Variants in RAD52 observed in about 807,000 individuals in gnomAD.
The protein encoded by RAD52 is RAD52 DNA repair protein.
RAD52 carries 47 observed loss-of-function variants against 55.5 expected under a neutral mutation model. That is an observed-to-expected ratio of 0.85 (90% CI 0.67 to 1.08). RAD52 has a LOEUF of 1.08. Among genes scored for constraint, RAD52 ranks in the 50% least tolerant of loss-of-function variants. The probability of loss-of-function intolerance (pLI) is 0.00; values close to 1 mark genes in which losing one functional copy is unlikely to be tolerated. For synonymous variants in RAD52, 184 were observed against 198.9 expected (o/e 0.92, Z 0.63); for missense variants, 468 against 522.8 (o/e 0.90, Z 1.02).
At chr12:920,001 G>A (rs1231112401) in intron 7 of RAD52, among the ~76,000 whole-genome samples, 1 of 108,062 alleles carries the variant, frequency 9.3e-6, no homozygotes, top group East Asian at 2.4e-4. Context: ...GCAGTGAGCC[G>A]AGATCACACA....
chr12:941,228 A>G (rs1469365632), intron 1 of RAD52, among the ~76,000 whole-genome samples: 6 of 152,230 alleles, frequency 3.9e-5, no homozygotes, highest in Non-Finnish European at 7.3e-5. Context: ...TGATGGCTCC[A>G]TTTTACAATA....
intron 1 of RAD52, among the ~76,000 whole-genome samples, chr12:964,333 C>T (rs1172218497): frequency 2.0e-5 from 3 of 152,026 alleles, no homozygotes; most frequent in South Asian, 2.1e-4. Context: ...TTTGGGAGGC[C>T]GAGTCAGGCA....
chr12:964,827 T>C (rs920737221), intron 1 of RAD52, among the ~76,000 whole-genome samples: 18 of 152,064 alleles, frequency 1.2e-4, no homozygotes, highest in African/African-American at 4.4e-4. Context: ...TCCTCCTGCC[T>C]GGGACTCCCA....
chr12:928,820 T>G (rs1278461982), intron 5 of RAD52, among the ~76,000 whole-genome samples: 1 of 152,144 alleles, frequency 6.6e-6, no homozygotes, highest in African/African-American at 2.4e-5. Flanking sequence ...TTAAGTGCAC[T>G]GAAAATTTAC....
In RAD52 at chr12:931,289, G is replaced by A. The variant is rs140136060; in HGVS notation, c.117C>T (p.Ile39=). Residue 39 remains isoleucine, a synonymous_variant, in exon 3 of 12, where the codon ATC becomes ATT. Coordinates refer to ENST00000358495, the MANE Select transcript of RAD52 (RefSeq NM_134424.4). ...CQYTAEEYQA[I]QKALRQRLGP... is the part of the protein sequence containing the mutation. The stretch of plus-strand genomic sequence containing the variant: ...CCAGCCTCTGCCTCAGGGCCTTCTG[G>A]ATGGCCTGGTACTCTTCTGCTGTGT... 3.7e-6 allele frequency: 6 copies of A among 1,611,768 alleles called. No individual in the cohort carries two copies. Among genetic ancestry groups the A allele is most frequent in the Non-Finnish European group, 5.1e-6 (6 of 1,179,254 alleles).
Position 913,189 on chromosome 12 carries a change from A to G in RAD52, c.*202T>C. 1.7e-6 allele frequency: 1 copy of G among 588,730 alleles called. No homozygotes were observed. Among genetic ancestry groups the G allele is most frequent in the Non-Finnish European group, 3.0e-6 (1 of 333,394 alleles). The allele number at this position is 588,730 out of a possible 1,614,324, so 36.5% of individuals were successfully genotyped here. A position where few individuals can be genotyped will look rare whatever the true frequency, so the allele number is the denominator to read the frequency against. On this transcript the variant is annotated 3_prime_UTR_variant, in exon 12 of 12. Coordinates refer to ENST00000358495, the MANE Select transcript of RAD52 (RefSeq NM_134424.4). ...CATCTGTCCAGAGCCTCTCCCTACT[A>G]GAGTGATGGACAAGCTTTTCAAAAG...
At chr12:958,265 G>A (rs1338802794) in intron 1 of RAD52, among the ~76,000 whole-genome samples, 1 of 152,180 alleles carries the variant, frequency 6.6e-6, no homozygotes, top group Non-Finnish European at 1.5e-5. Flanking sequence ...GCCCAGGCTG[G>A]AGTGCAATGG....
At chr12:954,719 GGTT>G (rs1049973942) in intron 1 of RAD52, among the ~76,000 whole-genome samples, 5 of 151,954 alleles carry the variant, frequency 3.3e-5, no homozygotes, top group Admixed American at 2.0e-4. Context: ...ATCTCTTTCT[GGTT>G]GTAGGTTGCA....
At chr12:933,627 C>G (rs1454365148) in intron 1 of RAD52, among the ~76,000 whole-genome samples, 2 of 152,064 alleles carry the variant, frequency 1.3e-5, no homozygotes. Context: ...GTTTGCTATT[C>G]TGGCGGTGCT....
chr12:916,405 G>A lies in RAD52; in HGVS notation c.804C>T (p.Phe268=). ...KLRQKQLQQQ[F]RERMEKQQVR... ...CCTGCTGCTTCTCCATCCGCTCCCG[G>A]AACTGCTGCTGCAGCTGCTTCTGCC... is the stretch of plus-strand genomic sequence containing the variant. Residue 268 remains phenylalanine, a synonymous_variant, in exon 9 of 12, where the codon TTC becomes TTT. Transcript: ENST00000358495. The A allele has an allele frequency of 6.2e-7, 1 of 1,609,024 alleles. No homozygotes were observed. The highest frequency in any genetic ancestry group is 8.5e-7 in the Non-Finnish European group (1 of 1,179,610).
upstream of RAD52, among the ~76,000 whole-genome samples, chr12:952,500 G>A (rs748882831): frequency 4.6e-5 from 7 of 152,114 alleles, no homozygotes; most frequent in Non-Finnish European, 1.0e-4. Flanking sequence ...CAGTACTTGT[G>A]AATGTGACCT....
rs988379924 is a variant in RAD52 at position 967,362 on chromosome 12, A to T, written c.-19+22447T>A. Among the ~76,000 whole-genome samples, 3 of 140,230 alleles carry T rather than the reference A, an allele frequency of 2.1e-5. No individual in the cohort carries two copies. The Admixed American group carries it at 2.3e-4, about 11-fold the overall frequency. 92.0% of individuals were successfully genotyped at this position (140,230 alleles called of 152,430 possible). On this transcript the variant is annotated intron_variant, in intron 1 of 11. Coordinates refer to the RAD52 transcript ENST00000430095. ...CCACTGCACTCATCCAGCCTGGGTG[A>T]CAGAGCAAGACCTTGTCTCAAAAAA...
chr12:967,276 G>A (rs1958783078), intron 1 of RAD52, among the ~76,000 whole-genome samples: 1 of 151,778 alleles, frequency 6.6e-6, no homozygotes, highest in African/African-American at 2.4e-5. Context: ...CTATTTGGGA[G>A]GCTGAGGTGG....
rs533843814 is a variant in RAD52, at chr12:931,319, G to A, written c.87C>T (p.Cys29=). Reference sequence around the variant, plus strand: ...CCTGGTACTCTTCTGCTGTGTACTGGCACTGCAACCCCAAAAAAGAAAATT... The same window carrying A: ...CCTGGTACTCTTCTGCTGTGTACTGACACTGCAACCCCAAAAAAGAAAATT... ...GGGSVLCFGQ[C]QYTAEEYQAI... is the part of the protein sequence containing the mutation. The change falls in exon 3 of 12, where the codon TGC becomes TGT. Residue 29 remains cysteine, a splice_region_variant and synonymous_variant. Coordinates refer to ENST00000358495, the MANE Select transcript of RAD52 (RefSeq NM_134424.4). The A allele has an allele frequency of 1.9e-4, 306 of 1,577,976 alleles. 5 individuals are homozygous for A. The South Asian group carries it at 3.3e-3, about 17-fold the overall frequency.
intron 1 of RAD52, among the ~76,000 whole-genome samples, chr12:935,988 C>A (rs995514513): frequency 2.0e-5 from 3 of 151,560 alleles, no homozygotes; most frequent in Non-Finnish European, 1.5e-5. Flanking sequence ...AGCCACCATG[C>A]CAGAACACTT....
intron 1 of RAD52, chr12:976,840 T>C (rs1958940555): frequency 2.0e-5 from 3 of 152,300 alleles, no homozygotes; most frequent in East Asian, 1.9e-4. Context: ...GACTTGCAAA[T>C]TGCATGAGCC....
chr12:970,873 A>G (rs4765878), intron 1 of RAD52, among the ~76,000 whole-genome samples: 4,734 of 151,296 alleles, frequency 0.031, 252 homozygotes, highest in African/African-American at 0.11. Context: ...TCCCTTGCTG[A>G]GACTTTGAAC....
upstream of RAD52, among the ~76,000 whole-genome samples, chr12:953,473 T>G (rs1480413722): frequency 6.6e-6 from 1 of 152,140 alleles, no homozygotes; most frequent in Non-Finnish European, 1.5e-5. Context: ...GAGCAAGCTG[T>G]CATTACTTAG....
chr12:953,597 A>G (rs113191721), upstream of RAD52, among the ~76,000 whole-genome samples: 9 of 152,324 alleles, frequency 5.9e-5, no homozygotes, highest in South Asian at 2.1e-4. Context: ...TATTTACTTC[A>G]TAACATGGCC....
Sources: gnomAD v4.1 joint callset for allele counts (sites outside exome capture counted in the v4.1 genomes callset) on GRCh38, gnomAD v4.1.1 for gene constraint, MANE v1.5 for transcripts, NCBI Gene and HGNC (gene_info 2026-07-23, HGNC 2026-07-21) for gene names.